The following SEPTIN11 variants were observed in gnomAD, a reference collection of about 807,000 sequenced individuals.
SEPTIN11 encodes septin 11.
In SEPTIN11, 25 loss-of-function variants were observed where a neutral mutation model predicts 51.4. That is an observed-to-expected ratio of 0.49 (90% confidence interval 0.35 to 0.68). The LOEUF (loss-of-function observed/expected upper bound fraction) is 0.68. Ranked by LOEUF, SEPTIN11 falls within the 30% of genes least tolerant of loss-of-function variation. The pLI is 0.00. For synonymous variants in SEPTIN11, 174 were observed against 184.1 expected (o/e 0.95, Z 0.44); for missense variants, 381 against 520.8 (o/e 0.73, Z 2.61).
intron 1 of SEPTIN11, among the ~76,000 whole-genome samples, chr4:76,969,666 C>A (rs1303326272): frequency 6.6e-6 from 1 of 152,160 alleles, no homozygotes; most frequent in African/African-American, 2.4e-5. Context: ...ACTCTACCGA[C>A]TTCATGGTTC....
In SEPTIN11 at chr4:77,028,737, T is replaced by C. The variant is rs781710680; in HGVS notation, c.1062T>C (p.Ala354=). ...TTATGAGAGTGAAGGAGAAAGAAGCTGAACTTAAGGAGGCAGAGAAAGAGG... is the reference window on the plus strand; with the variant it reads ...TTATGAGAGTGAAGGAGAAAGAAGCCGAACTTAAGGAGGCAGAGAAAGAGG... ...MFVMRVKEKE[A]ELKEAEKELH... is the part of the protein sequence containing the mutation. The change falls in exon 8 of 10, where the codon GCT becomes GCC. Residue 354 remains alanine (A), a synonymous_variant. Transcript: ENST00000264893. The C allele has an allele frequency of 1.2e-6, 2 of 1,613,232 alleles. No homozygotes were observed. The highest frequency in any genetic ancestry group is 1.1e-5 in the South Asian group (1 of 90,834).
Position 77,019,155 on chromosome 4 carries a change from T to G in SEPTIN11, c.688-10T>G. ...GGAAAGTAACTATTCTCTGTCCTTT[T>G]GCTTGGCAGGTCCATCTCCCATTTG... On this transcript the variant is annotated splice_polypyrimidine_tract_variant and intron_variant, in intron 5 of 9. Coordinates refer to ENST00000264893, the MANE Select transcript of SEPTIN11 (RefSeq NM_018243.4). The G allele has an allele frequency of 2.5e-6, 4 of 1,611,172 alleles. No individual in the cohort carries two copies. Among genetic ancestry groups the G allele is most frequent in the Non-Finnish European group, 3.4e-6 (4 of 1,178,792 alleles).
rs558577566 is a variant in SEPTIN11 at position 76,985,597 on chromosome 4, C to T, written c.28-10828C>T. ...GCAGGTCTAGGTGGAAGAACGAGAA[C>T]GAATGCAGCATGGTATTTCCAGGCC... On this transcript the variant is annotated intron_variant, in intron 1 of 9. Coordinates refer to ENST00000264893, the MANE Select transcript of SEPTIN11 (RefSeq NM_018243.4). 7.2e-5 allele frequency among the ~76,000 whole-genome samples: 11 copies of T among 152,274 alleles called. No homozygotes were observed. In the South Asian group the frequency reaches 1.5e-3, roughly 20 times the overall value.
intron 1 of SEPTIN11, among the ~76,000 whole-genome samples, chr4:76,994,758 C>G: frequency 6.6e-6 from 1 of 152,028 alleles, no homozygotes; most frequent in Non-Finnish European, 1.5e-5. Flanking sequence ...CATTTCTGTG[C>G]CTATATAGTG....
chr4:77,018,329 G>C (rs902411351), intron 5 of SEPTIN11, among the ~76,000 whole-genome samples: 1 of 151,882 alleles, frequency 6.6e-6, no homozygotes, highest in East Asian at 1.9e-4. Flanking sequence ...GGTGCCTGTA[G>C]TCCCAGCTAT....
At chr4:77,022,435 T>G (rs992772026) in intron 7 of SEPTIN11, among the ~76,000 whole-genome samples, 14 of 152,236 alleles carry the variant, frequency 9.2e-5, no homozygotes, top group African/African-American at 2.9e-4. Flanking sequence ...AAAAAAAATT[T>G]TTTTCCATAC....
chr4:77,016,663 T>TATATATATAC (rs1725333593), intron 5 of SEPTIN11, among the ~76,000 whole-genome samples: 2 of 134,260 alleles, frequency 1.5e-5, no homozygotes, highest in Non-Finnish European at 1.6e-5. Flanking sequence ...TATACACATA[T>TATATATATAC]ATATATATAT....
At chr4:76,985,289 T>G (rs1309375444) in intron 1 of SEPTIN11, among the ~76,000 whole-genome samples, 1 of 152,240 alleles carries the variant, frequency 6.6e-6, no homozygotes, top group African/African-American at 2.4e-5. Flanking sequence ...TAGAAAAACA[T>G]TCTGTCTCTA....
At chr4:77,025,028 G>A (rs1031027565) in intron 7 of SEPTIN11, among the ~76,000 whole-genome samples, 1 of 152,110 alleles carries the variant, frequency 6.6e-6, no homozygotes, top group Non-Finnish European at 1.5e-5. Flanking sequence ...CAGAATGAAG[G>A]ATGAACTGAA....
At chr4:77,012,414 C>A (rs765980136) in intron 4 of SEPTIN11, among the ~76,000 whole-genome samples, 44 of 152,228 alleles carry the variant, frequency 2.9e-4, no homozygotes, top group African/African-American at 9.4e-4. Context: ...TATACCTTCT[C>A]TTTTTCACAA....
At chr4:76,960,677 T>C (rs1721791583) in intron 1 of SEPTIN11, among the ~76,000 whole-genome samples, 1 of 152,196 alleles carries the variant, frequency 6.6e-6, no homozygotes, top group African/African-American at 2.4e-5. Context: ...AATCTCCTCT[T>C]TCTTGAAAAA....
chr4:76,972,008 G>C (rs1305706501), intron 1 of SEPTIN11, among the ~76,000 whole-genome samples: 1 of 152,184 alleles, frequency 6.6e-6, no homozygotes, highest in Non-Finnish European at 1.5e-5. Flanking sequence ...ACAAGCTCCA[G>C]GTTGTTACGA....
At chr4:76,959,202 C>T (rs534887494) in intron 1 of SEPTIN11, 10 of 349,368 alleles carry the variant, frequency 2.9e-5, no homozygotes, top group Admixed American at 1.2e-4. Context: ...GCAACTGTAA[C>T]GACCGATGGA....
At chr4:76,968,435 G>A (rs1057060631) in intron 1 of SEPTIN11, among the ~76,000 whole-genome samples, 3 of 151,924 alleles carry the variant, frequency 2.0e-5, no homozygotes, top group African/African-American at 7.3e-5. Context: ...CCTTCTTTTC[G>A]GTCTTCCTGC....
chr4:76,978,436 C>G (rs923282084), intron 1 of SEPTIN11, among the ~76,000 whole-genome samples: 1 of 152,270 alleles, frequency 6.6e-6, no homozygotes, highest in East Asian at 1.9e-4. Context: ...TGATGGCCAA[C>G]ACACACATCA....
At chr4:76,955,927 G>C (rs540106253) in intron 1 of SEPTIN11, among the ~76,000 whole-genome samples, 3 of 152,252 alleles carry the variant, frequency 2.0e-5, no homozygotes, top group Admixed American at 1.3e-4. Context: ...GGTGGGGCTG[G>C]GGGGGAAGAT....
chr4:77,023,885 T>C (rs1391856900), intron 7 of SEPTIN11, among the ~76,000 whole-genome samples: 2 of 152,222 alleles, frequency 1.3e-5, no homozygotes, highest in Non-Finnish European at 2.9e-5. Context: ...GCTTGGAAGA[T>C]GGATCTTCCG....
At chr4:76,951,496 T>C (rs893848506) in intron 1 of SEPTIN11, among the ~76,000 whole-genome samples, 2 of 152,142 alleles carry the variant, frequency 1.3e-5, no homozygotes, top group African/African-American at 4.8e-5. Flanking sequence ...GGTGAGAAAA[T>C]TGAGGTCTAT....
At chr4:76,971,421 T>TA (rs1447134606) in intron 1 of SEPTIN11, among the ~76,000 whole-genome samples, 62 of 152,198 alleles carry the variant, frequency 4.1e-4, no homozygotes, top group African/African-American at 1.4e-3. Flanking sequence ...TGCTTTTTTT[T>TA]ATATTAATTA....
Sources: allele counts gnomAD v4.1 joint callset (sites outside exome capture counted in the v4.1 genomes callset), GRCh38; gene constraint gnomAD v4.1.1; transcripts MANE v1.5; gene names NCBI Gene and HGNC (gene_info 2026-07-23, HGNC 2026-07-21).